Variants in DGKI observed in about 807,000 individuals in gnomAD.
DGKI encodes the protein diacylglycerol kinase iota.
DGKI carries 55 observed loss-of-function variants against 147.5 expected under a neutral mutation model. The ratio of observed to expected loss-of-function variants is 0.37; its 90% CI spans 0.30 to 0.47. The LOEUF is 0.47. Among genes scored for constraint, DGKI ranks in the 20% least tolerant of loss-of-function variants. The pLI, the probability that DGKI is intolerant of heterozygous loss-of-function variation, is 1.00. For missense variants in DGKI, 1,007 were observed against 1,323.8 expected (o/e 0.76, Z 3.71); for synonymous variants, 469 against 477.1 (o/e 0.98, Z 0.22).
chr7:137,702,440 C>A (rs1295376256), intron 1 of DGKI, among the ~76,000 whole-genome samples: 1 of 152,166 alleles, frequency 6.6e-6, no homozygotes, highest in African/African-American at 2.4e-5. Context: ...AGCTGCTCCT[C>A]CACAAAAGCA....
chr7:137,481,936 G>A (rs1703709243), intron 23 of DGKI, among the ~76,000 whole-genome samples: 1 of 151,810 alleles, frequency 6.6e-6, no homozygotes, highest in Non-Finnish European at 1.5e-5. Context: ...TCATCTCATA[G>A]ACAAGAAACT....
chr7:137,588,974 A>G (rs183277658), intron 12 of DGKI, among the ~76,000 whole-genome samples: 60 of 152,344 alleles, frequency 3.9e-4, no homozygotes, highest in African/African-American at 1.4e-3. Flanking sequence ...GCATTCAAAA[A>G]TAGGAATGCC....
Position 137,664,143 on chromosome 7 carries a change from G to A in DGKI, c.607-7603C>T, listed in dbSNP as rs1410287036. On this transcript the variant is annotated intron_variant, in intron 3 of 32. Coordinates refer to ENST00000614521, the MANE Select transcript of DGKI (RefSeq NM_001321708.2). ...TGTAATCCCAGAACTTTGGGAGACC[G>A]AGGCAGGAAGATTACATGAGGCTGG... Among the ~76,000 whole-genome samples the A allele has an allele frequency of 5.3e-5, 8 of 152,206 alleles. No homozygotes were observed. In the East Asian group the frequency reaches 7.7e-4, roughly 15 times the overall value.
chr7:137,421,693 T>C (rs573724288), intron 28 of DGKI, among the ~76,000 whole-genome samples: 1 of 152,244 alleles, frequency 6.6e-6, no homozygotes, highest in Non-Finnish European at 1.5e-5. Flanking sequence ...TTGTTTCACA[T>C]GTCTAAGTTC....
At chr7:137,832,195 G>A (rs11980215) in intron 1 of DGKI, among the ~76,000 whole-genome samples, 13,979 of 152,230 alleles carry the variant, frequency 0.092, 1,894 homozygotes, top group African/African-American at 0.3. Context: ...GGGTCTGAAG[G>A]ACAGTGGCCC....
intron 27 of DGKI, among the ~76,000 whole-genome samples, chr7:137,457,225 G>C (rs1294703002): frequency 6.6e-6 from 1 of 152,154 alleles, no homozygotes. Context: ...ACAGATGCCA[G>C]GAGCCATCTT....
chr7:137,614,155 C>T (rs1165286433), intron 8 of DGKI, among the ~76,000 whole-genome samples: 1 of 152,074 alleles, frequency 6.6e-6, no homozygotes, highest in Non-Finnish European at 1.5e-5. Context: ...TATGAAGTCA[C>T]AACAGGCTGT....
intron 12 of DGKI, among the ~76,000 whole-genome samples, chr7:137,594,312 G>T (rs901448593): frequency 1.3e-5 from 2 of 152,174 alleles, no homozygotes; most frequent in Non-Finnish European, 2.9e-5. Flanking sequence ...CTCCCAAAGT[G>T]CTGGGATTAT....
chr7:137,570,739 C>T (rs1376164077), intron 19 of DGKI, among the ~76,000 whole-genome samples: 1 of 151,996 alleles, frequency 6.6e-6, no homozygotes, highest in South Asian at 2.1e-4. Flanking sequence ...TTACAGGCAG[C>T]ACATCATACC....
At chr7:137,541,223 G>A (rs546480744) in intron 20 of DGKI, among the ~76,000 whole-genome samples, 2 of 152,286 alleles carry the variant, frequency 1.3e-5, no homozygotes, top group African/African-American at 4.8e-5. Context: ...AGTCTACACT[G>A]GATCTGTGTG....
At chr7:137,568,487 T>C (rs576166885) in intron 19 of DGKI, among the ~76,000 whole-genome samples, 11 of 152,280 alleles carry the variant, frequency 7.2e-5, no homozygotes, top group African/African-American at 2.6e-4. Context: ...GGCTGAGCTA[T>C]TTGGACTGCA....
chr7:137,616,981 T>C (rs934996939), intron 8 of DGKI, among the ~76,000 whole-genome samples: 1 of 151,870 alleles, frequency 6.6e-6, no homozygotes, highest in African/African-American at 2.4e-5. Flanking sequence ...TAACAATAGA[T>C]GACAAGCTGA....
intron 8 of DGKI, among the ~76,000 whole-genome samples, chr7:137,612,258 CA>C (rs1483169398): frequency 2.3e-5 from 3 of 130,002 alleles, no homozygotes; most frequent in African/African-American, 9.4e-5. Context: ...ACAGAGGTAG[CA>C]AATACAAGTG....
Position 137,444,928 on chromosome 7 carries a change from A to G in DGKI, c.2736-826T>C, listed in dbSNP as rs868433326. On this transcript the variant is annotated intron_variant, in intron 27 of 32. Coordinates refer to ENST00000614521, the MANE Select transcript of DGKI (RefSeq NM_001321708.2). ...GAAAGAGAGAGACATATAACATTAT[A>G]TTCAGAGTTGTTGAAATTTCGAAGG... Among the ~76,000 whole-genome samples the G allele has an allele frequency of 7.2e-5, 11 of 152,334 alleles. No homozygotes were observed. In the Middle Eastern group the frequency reaches 0.014, roughly 188 times the overall value.
At chr7:137,710,427 A>G (rs1305458674) in intron 1 of DGKI, among the ~76,000 whole-genome samples, 1 of 152,140 alleles carries the variant, frequency 6.6e-6, no homozygotes, top group Non-Finnish European at 1.5e-5. Context: ...ACAGAAATAA[A>G]CAAACTGACC....
intron 28 of DGKI, among the ~76,000 whole-genome samples, chr7:137,442,362 C>G (rs2128916526): frequency 6.6e-6 from 1 of 152,270 alleles, no homozygotes; most frequent in South Asian, 2.1e-4. Context: ...TTAAGAAGTC[C>G]TAGTGGATTA....
chr7:137,469,484 TCAATTGATGCCTTGC>T, intron 24 of DGKI, 51 bp downstream of exon 24: 1 of 1,522,046 alleles, frequency 6.6e-7, no homozygotes, highest in Non-Finnish European at 9.1e-7. Flanking sequence ...GCCCACCCTA[TCAATTGATGCCTTGC>T]TCTTCAACTT....
chr7:137,407,970 C>T lies in DGKI; in HGVS notation c.2825G>A (p.Gly942Asp). 6.2e-7 allele frequency: 1 copy of T among 1,606,204 alleles called. No individual in the cohort carries two copies. The highest frequency in any genetic ancestry group is 8.5e-7 in the Non-Finnish European group (1 of 1,178,476). The change falls in exon 30 of 33, where the codon GGC (glycine) becomes GAC (aspartate). Residue 942 changes from glycine to aspartate, a missense_variant. By Grantham distance (94) the Gly-to-Asp change is moderately conservative. Coordinates refer to ENST00000614521, the MANE Select transcript of DGKI (RefSeq NM_001321708.2). ...MKLIESYKNG[G>D]SLLIQGPDHC... ...GTCTGGTCCCTGAATTAGCAGACTG[C>T]CTCCATTTTTATAGCTTTCTATTAG...
At chr7:137,793,513 C>T (rs1422756226) in intron 1 of DGKI, among the ~76,000 whole-genome samples, 1 of 152,106 alleles carries the variant, frequency 6.6e-6, no homozygotes, top group Admixed American at 6.5e-5. Flanking sequence ...GTTGGCCAGG[C>T]TGGTCTTGAA....
Sources: allele counts gnomAD v4.1 joint callset (sites outside exome capture counted in the v4.1 genomes callset), GRCh38; gene constraint gnomAD v4.1.1; transcripts MANE v1.5; gene names NCBI Gene and HGNC (gene_info 2026-07-23, HGNC 2026-07-21).